The following IPO9 variants were observed in gnomAD, a reference collection of about 807,000 sequenced individuals.
IPO9 encodes importin-9.
In IPO9, 28 loss-of-function variants were observed where a neutral mutation model predicts 128.6. That is an observed-to-expected ratio of 0.22 (90% confidence interval 0.16 to 0.30). The LOEUF is 0.30. Ranked by LOEUF, IPO9 falls within the 10% of genes least tolerant of loss-of-function variation. IPO9 has a pLI of 1.00. For synonymous variants in IPO9, 455 were observed against 475.8 expected (o/e 0.96, Z 0.57); for missense variants, 935 against 1,293.9 (o/e 0.72, Z 4.26).
In IPO9 at chr1:201,869,721, A is replaced by G. The variant is rs1257370864; in HGVS notation, c.2133+3A>G. ...CAGATGACAATGCCACCATGCAGGT[A>G]TCTGAGACATGGAGAGTAGAAGAGG... is the stretch of plus-strand genomic sequence containing the variant. On this transcript the variant is annotated splice_donor_region_variant and intron_variant, in intron 17 of 23. Coordinates refer to ENST00000361565, the MANE Select transcript of IPO9 (RefSeq NM_018085.5). The G allele has an allele frequency of 3.1e-6, 5 of 1,614,044 alleles. No homozygotes were observed. The highest frequency in any genetic ancestry group is 4.2e-6 in the Non-Finnish European group (5 of 1,179,928).
In IPO9 at chr1:201,883,164, A is replaced by G. The variant is rs1298866824; in HGVS notation, c.*7110A>G. On this transcript the variant is annotated 3_prime_UTR_variant, in exon 24 of 24. Coordinates refer to ENST00000361565, the MANE Select transcript of IPO9 (RefSeq NM_018085.5). ...ACTATCGGTGTATTAATTTGCTTTC[A>G]CTAGATTCCCCCCCCCCCAACAACT... 1 of 111,926 alleles carries G rather than the reference A, an allele frequency of 8.9e-6. No homozygotes were observed. The highest frequency in any genetic ancestry group is 2.6e-4 in the East Asian group (1 of 3,780). 6.9% of individuals were successfully genotyped at this position (111,926 alleles called of 1,614,324 possible). A position where few individuals can be genotyped will look rare whatever the true frequency, so the allele number is the denominator to read the frequency against.
At position 201,870,566 on chromosome 1, in the gene IPO9, C is replaced by T. The variant is rs1472173879; in HGVS notation, c.2134-17C>T. 1.2e-6 allele frequency: 2 copies of T among 1,603,802 alleles called. No homozygotes were observed. The highest frequency in any genetic ancestry group is 1.3e-5 in the African/African-American group (1 of 74,680). On this transcript the variant is annotated splice_polypyrimidine_tract_variant and intron_variant, in intron 17 of 23. Coordinates refer to ENST00000361565, the MANE Select transcript of IPO9 (RefSeq NM_018085.5). The surrounding 1 kb of genome is among the most constrained non-coding windows in gnomAD (Gnocchi z 4.9). Reference sequence around the variant, plus strand: ...TCCCTCGATTACTAATCTTGCTTGCCACCCCTGTCTCCCCAGAATGGCGGA... The same window carrying T: ...TCCCTCGATTACTAATCTTGCTTGCTACCCCTGTCTCCCCAGAATGGCGGA...
In IPO9 at chr1:201,870,940, T is replaced by C. The variant is rs1680639716; in HGVS notation, c.2409+82T>C. Reference sequence around the variant, plus strand: ...CGTATTTTGGTCCTGAGTTATTTTATTTTACCCTCTTACTAGCCTTGTAGG... The same window carrying C: ...CGTATTTTGGTCCTGAGTTATTTTACTTTACCCTCTTACTAGCCTTGTAGG... On this transcript the variant is annotated intron_variant, in intron 18 of 23. Coordinates refer to ENST00000361565, the MANE Select transcript of IPO9 (RefSeq NM_018085.5). The surrounding 1 kb of genome is among the most constrained non-coding windows in gnomAD (Gnocchi z 4.9). The C allele has an allele frequency of 4.3e-6, 2 of 460,726 alleles. No individual in the cohort carries two copies. The highest frequency in any genetic ancestry group is 7.7e-6 in the Non-Finnish European group (2 of 258,676). The allele number at this position is 460,726 out of a possible 1,614,324, so 28.5% of individuals were successfully genotyped here.
intron 4 of IPO9, chr1:201,850,487 A>G (rs1253564966): frequency 6.6e-6 from 1 of 152,186 alleles, no homozygotes; most frequent in Non-Finnish European, 1.5e-5. Context: ...AGGAAATGCA[A>G]ATATAGCAGC....
intron 13 of IPO9, among the ~76,000 whole-genome samples, chr1:201,859,935 G>C (rs1039727368): frequency 1.3e-5 from 2 of 151,822 alleles, no homozygotes; most frequent in Admixed American, 6.6e-5. Context: ...TTCCACCTTG[G>C]GTGACAGAGC....
chr1:201,855,810 T>C lies in IPO9; in HGVS notation c.998T>C (p.Val333Ala). 6.2e-7 allele frequency: 1 copy of C among 1,610,788 alleles called. No homozygotes were observed. The highest frequency in any genetic ancestry group is 1.1e-5 in the South Asian group (1 of 89,874). ...GAAGTCCTGGGCTTTGAAAATCTCG[T>C]CTTTAGCATTTTTGAATTTGTCCAT... ...DGEVLGFENL[V>A]FSIFEFVHAL... is the part of the protein sequence containing the mutation. The change falls in exon 10 of 24, where the codon GTC (valine) becomes GCC (alanine). Residue 333 changes from valine to alanine, a missense_variant. By Grantham distance (64) the Val-to-Ala change is moderately conservative (BLOSUM62 0). Around this residue, in one of 3 missense-constraint regions of IPO9, gnomAD observed 741 missense variants for 1,019.1 expected, o/e 0.73. Coordinates refer to ENST00000361565, the MANE Select transcript of IPO9 (RefSeq NM_018085.5).
chr1:201,834,013 C>T (rs1286088272), intron 1 of IPO9, among the ~76,000 whole-genome samples: 3 of 152,024 alleles, frequency 2.0e-5, no homozygotes, highest in Non-Finnish European at 4.4e-5. Context: ...CCTTGAACTC[C>T]TGCCCTCAAG....
intron 9 of IPO9, 59 bp from the exon 10 acceptor site, chr1:201,855,724 A>AT: frequency 2.8e-6 from 4 of 1,450,660 alleles, no homozygotes; most frequent in Non-Finnish European, 3.8e-6. Flanking sequence ...CATTTTCTGC[A>AT]TATATGCTTT....
intron 1 of IPO9, among the ~76,000 whole-genome samples, chr1:201,843,683 C>T (rs1192547462): frequency 6.6e-6 from 1 of 152,058 alleles, no homozygotes; most frequent in Non-Finnish European, 1.5e-5. Flanking sequence ...CAAAAATTAG[C>T]TGGGCGTGGT....
At chr1:201,871,376 CTTTTTTTTTTTTTTTTT>C (rs556986429) in intron 19 of IPO9, 49 bp downstream of exon 19, 22 of 144,688 alleles carry the variant, frequency 1.5e-4, no homozygotes, top group Middle Eastern at 2.8e-3. Context: ...ACTCATATTT[CTTTTTTTTTTTTTTTTT>C]TTTTTTTTTT....
At chr1:201,845,867 C>T (rs1289158139) in intron 1 of IPO9, among the ~76,000 whole-genome samples, 8 of 152,154 alleles carry the variant, frequency 5.3e-5, no homozygotes, top group Admixed American at 5.2e-4. Flanking sequence ...TTATGATGCA[C>T]TGTTGGTTTT....
chr1:201,854,667 C>A lies in IPO9; in HGVS notation c.763C>A (p.Pro255Thr). Residue 255 changes from proline (P) to threonine (T), a missense_variant, in exon 7 of 24, where the codon CCA becomes ACA. By Grantham distance (38) the Pro-to-Thr change is conservative. This residue lies in a region of IPO9 where 741 missense variants were observed against 1,019.1 expected (regional missense o/e 0.73). Coordinates refer to ENST00000361565, the MANE Select transcript of IPO9 (RefSeq NM_018085.5). Reference sequence around the variant, plus strand: ...GGCCTTTGTTCAGGCCCTCCAGATACCAGATGGCCCCACATCTGACAGTGG... The same window carrying A: ...GGCCTTTGTTCAGGCCCTCCAGATAACAGATGGCCCCACATCTGACAGTGG... The part of the protein sequence containing the change: ...TEAFVQALQI[P>T]DGPTSDSGFK... The A allele has an allele frequency of 6.2e-7, 1 of 1,614,172 alleles. No individual in the cohort carries two copies.
At chr1:201,866,398 C>T (rs567400596) in intron 14 of IPO9, among the ~76,000 whole-genome samples, 123 of 150,728 alleles carry the variant, frequency 8.2e-4, no homozygotes, top group Non-Finnish European at 1.6e-3. Context: ...ATAGAGGGAA[C>T]TTTAAATCCT....
At chr1:201,866,999 GA>G in intron 15 of IPO9, 40 bp downstream of exon 15, 1 of 1,497,834 alleles carries the variant, frequency 6.7e-7, no homozygotes, top group Non-Finnish European at 9.3e-7. Context: ...GGGCACCAAA[GA>G]AAAGGTGGTG....
At chr1:201,833,446 C>G (rs890348525) in intron 1 of IPO9, among the ~76,000 whole-genome samples, 3 of 152,046 alleles carry the variant, frequency 2.0e-5, no homozygotes, top group Admixed American at 1.3e-4. Flanking sequence ...ACCATGTTAG[C>G]CAGGCTGGTC....
chr1:201,859,516 A>G (rs1162349197), intron 13 of IPO9, among the ~76,000 whole-genome samples: 1 of 152,108 alleles, frequency 6.6e-6, no homozygotes, highest in Non-Finnish European at 1.5e-5. Context: ...TACTGCTCCC[A>G]TTGTTAAGTC....
Position 201,870,009 on chromosome 1 carries a change from T to C in IPO9, c.2133+291T>C, listed in dbSNP as rs1680619562. ...CTAGACTTGGGGCCATAAGAAAGTCTTTCTGCATATTTCTTCTAGTAATAA... is the reference window on the plus strand; with the variant it reads ...CTAGACTTGGGGCCATAAGAAAGTCCTTCTGCATATTTCTTCTAGTAATAA... On this transcript the variant is annotated intron_variant, in intron 17 of 23. Transcript: ENST00000361565. The surrounding 1 kb of genome is among the most constrained non-coding windows in gnomAD (Gnocchi z 4.9). 6.6e-6 allele frequency among the ~76,000 whole-genome samples: 1 copy of C among 152,226 alleles called. No homozygotes were observed. Among genetic ancestry groups the C allele is most frequent in the Admixed American group, 6.5e-5 (1 of 15,286 alleles).
chr1:201,863,739 G>A, intron 14 of IPO9, 132 bp downstream of exon 14: 1 of 777,794 alleles, frequency 1.3e-6, no homozygotes, highest in Non-Finnish European at 1.9e-6. Flanking sequence ...AATGTTGGAA[G>A]GACAGGGAAA....
rs1324710315 is a variant in IPO9 at position 201,858,907 on chromosome 1, A to G, written c.1381A>G (p.Ile461Val). 6.2e-7 allele frequency: 1 copy of G among 1,612,024 alleles called. No homozygotes were observed. The highest frequency in any genetic ancestry group is 8.5e-7 in the Non-Finnish European group (1 of 1,178,356). The change falls in exon 13 of 24, where the codon ATC (isoleucine) becomes GTC (valine). Residue 461 changes from isoleucine (I) to valine (V), a missense_variant. Ile to Val is a conservative substitution (Grantham distance 29). Transcript: ENST00000361565. The part of the protein sequence containing the change: ...MLALGSVKAI[I>V]TDSVKNGRIH... The stretch of plus-strand genomic sequence containing the variant: ...TGCCCTAGGCTCAGTGAAGGCCATC[A>G]TCACTGACAGTGTGAAAAATGGCAG...
Sources: allele counts gnomAD v4.1 joint callset (sites outside exome capture counted in the v4.1 genomes callset), GRCh38; gene constraint gnomAD v4.1.1; regional missense constraint gnomAD v4.1.1; non-coding constraint Gnocchi (gnomAD v3.1); transcripts MANE v1.5; gene names NCBI Gene and HGNC (gene_info 2026-07-23, HGNC 2026-07-21).